MYOM3: variants seen among roughly 807,000 people sequenced by gnomAD.
MYOM3 encodes the protein myomesin 3.
Under a neutral mutation model 191.7 loss-of-function variants are expected in MYOM3, and 155 were observed. The observed-to-expected ratio is 0.81, with a 90% CI of 0.71 to 0.92. MYOM3 has a LOEUF of 0.92. Among genes scored for constraint, MYOM3 ranks in the 40% least tolerant of loss-of-function variants. MYOM3 has a pLI of 0.00. For synonymous variants in MYOM3, 757 were observed against 762.9 expected, an observed-to-expected ratio of 0.99 and a Z score of 0.13; for missense variants, 1,889 against 1,890.6, an observed-to-expected ratio of 1.00 and a Z score of 0.02.
chr1:24,109,449 C>T (rs1232259099), intron 1 of MYOM3, among the ~76,000 whole-genome samples: 1 of 152,338 alleles, frequency 6.6e-6, no homozygotes, highest in South Asian at 2.1e-4. Flanking sequence ...AGAAAGACTA[C>T]AGGCCACCTA....
At position 24,058,937 on chromosome 1, in the gene MYOM3, A is replaced by G. The variant is rs775779163; in HGVS notation, c.4037T>C (p.Ile1346Thr). Residue 1346 changes from isoleucine (I) to threonine (T), a missense_variant, in exon 36 of 37, where the codon ATC becomes ACC. Ile to Thr is a moderately conservative substitution (Grantham distance 89, BLOSUM62 -1). Transcript: ENST00000374434. ...VVRGLPDVAT[I>T]MEDKTLCLTC... ...AAGGGTCAGTACCTTATCTTCCATGATAGTGGCCACATCCGGCAGACCTCT... is the reference window on the plus strand; with the variant it reads ...AAGGGTCAGTACCTTATCTTCCATGGTAGTGGCCACATCCGGCAGACCTCT... 1 of 1,611,468 alleles carries G rather than the reference A, an allele frequency of 6.2e-7. No homozygotes were observed.
rs756776215 is a variant in MYOM3 at position 24,084,557 on chromosome 1, G to A, written c.1881C>T (p.Asp627=). ...AGATGTAATAACCCAGGAGCTCTGGGTCTTTCACAGGATCCCATGTCAGGG... is the reference window on the plus strand; with the variant it reads ...AGATGTAATAACCCAGGAGCTCTGGATCTTTCACAGGATCCCATGTCAGGG... The part of the protein sequence containing the change: ...SVSLTWDPVK[D]PELLGYYIYS... Residue 627 remains aspartate, a synonymous_variant, in exon 16 of 37, where the codon GAC becomes GAT. Coordinates refer to ENST00000374434, the MANE Select transcript of MYOM3 (RefSeq NM_152372.4). 1 of 1,613,990 alleles carries A rather than the reference G, an allele frequency of 6.2e-7. No homozygotes were observed. Among genetic ancestry groups the A allele is most frequent in the Admixed American group, 1.7e-5 (1 of 60,000 alleles).
At chr1:24,068,123 C>CA in intron 26 of MYOM3, 94 bp from the exon 27 acceptor site, 4 of 1,568,546 alleles carry the variant, frequency 2.6e-6, no homozygotes, top group Non-Finnish European at 3.5e-6. Context: ...GGGCTGTGCT[C>CA]AGCAGGCTGC....
intron 35 of MYOM3, among the ~76,000 whole-genome samples, chr1:24,059,737 G>A (rs889719147): frequency 2.6e-5 from 4 of 152,212 alleles, no homozygotes; most frequent in Admixed American, 2.0e-4. Context: ...GTCAAGCGAG[G>A]GACCTGGTGG....
chr1:24,090,678 G>T, intron 12 of MYOM3, 119 bp downstream of exon 12: 1 of 952,932 alleles, frequency 1.0e-6, no homozygotes. Context: ...CTGAGGGCTG[G>T]GCTGTGCTTC....
In MYOM3 at chr1:24,057,547, G is replaced by A. The variant is rs779767332; in HGVS notation, c.4131C>T (p.Phe1377=). 6.2e-7 allele frequency: 1 copy of A among 1,614,234 alleles called. No homozygotes were observed. Among genetic ancestry groups the A allele is most frequent in the Non-Finnish European group, 8.5e-7 (1 of 1,180,038 alleles). The part of the protein sequence containing the change: ...SWLKNDQPVT[F]LDRYRMEVRG... Reference sequence around the variant, plus strand: ...TCACTTCCATGCGGTATCGGTCAAGGAAGGTGACAGGCTGGTCATTCTTCA... The same window carrying A: ...TCACTTCCATGCGGTATCGGTCAAGAAAGGTGACAGGCTGGTCATTCTTCA... The change falls in exon 37 of 37, where the codon TTC becomes TTT. Residue 1377 remains phenylalanine (F), a synonymous_variant. Coordinates refer to ENST00000374434, the MANE Select transcript of MYOM3 (RefSeq NM_152372.4).
intron 17 of MYOM3, 36 bp from the exon 18 acceptor site, chr1:24,082,224 C>T: frequency 6.5e-7 from 1 of 1,536,232 alleles, no homozygotes. Context: ...CAGCTGCTCC[C>T]TAGGGGTGGC....
chr1:24,058,947 C>T lies in MYOM3; in HGVS notation c.4027G>A (p.Val1343Met), dbSNP rs1419511886. ...RAKVVRGLPD[V>M]ATIMEDKTLC... Reference sequence around the variant, plus strand: ...ACCTTATCTTCCATGATAGTGGCCACATCCGGCAGACCTCTCACCACTTTG... The same window carrying T: ...ACCTTATCTTCCATGATAGTGGCCATATCCGGCAGACCTCTCACCACTTTG... The change falls in exon 36 of 37, where the codon GTG becomes ATG. Residue 1343 changes from valine to methionine, a missense_variant. Coordinates refer to ENST00000374434, the MANE Select transcript of MYOM3 (RefSeq NM_152372.4). 1.9e-6 allele frequency: 3 copies of T among 1,611,932 alleles called. No individual in the cohort carries two copies. The highest frequency in any genetic ancestry group is 3.3e-5 in the Admixed American group (2 of 59,764).
chr1:24,063,454 G>A lies in MYOM3; in HGVS notation c.3661+38C>T. ...GCTGCTTGGAGGCTGTTGGGCATCA[G>A]GGCAGGGCAGGGCTGGGCAAAGAGG... is the stretch of plus-strand genomic sequence containing the variant. On this transcript the variant is annotated intron_variant, in intron 31 of 36. Transcript: ENST00000374434. This position sits in a 1 kb window ranked among gnomAD's most constrained non-coding sequence, Gnocchi z 4.5. The A allele has an allele frequency of 6.2e-7, 1 of 1,613,100 alleles. No individual in the cohort carries two copies. Among genetic ancestry groups the A allele is most frequent in the Middle Eastern group, 1.7e-4 (1 of 6,016 alleles).
chr1:24,084,296 C>T (rs113381518), intron 16 of MYOM3, 172 bp downstream of exon 16: 141 of 659,278 alleles, frequency 2.1e-4, no homozygotes, highest in African/African-American at 1.8e-3. Context: ...CCTTCCCCCT[C>T]GCCTTCCGCC....
In MYOM3 at chr1:24,063,625, G is replaced by A. The variant is rs967179070; in HGVS notation, c.3623-95C>T. ...TCCTAGAAAAAGGCTGGTGGAGCCC[G>A]TGAGCTGCTCTCAGGGGGACAGGCA... On this transcript the variant is annotated intron_variant, in intron 30 of 36. Coordinates refer to ENST00000374434, the MANE Select transcript of MYOM3 (RefSeq NM_152372.4). This position sits in a 1 kb window ranked among gnomAD's most constrained non-coding sequence, Gnocchi z 4.5. 3.3e-5 allele frequency: 47 copies of A among 1,427,042 alleles called. No homozygotes were observed. Among genetic ancestry groups the A allele is most frequent in the Admixed American group, 5.5e-5 (3 of 55,014 alleles). The allele number at this position is 1,427,042 out of a possible 1,614,324, so 88.4% of individuals were successfully genotyped here.
chr1:24,061,496 T>A (rs1337916392), intron 33 of MYOM3, among the ~76,000 whole-genome samples, 187 bp from the exon 34 acceptor site: 1 of 152,158 alleles, frequency 6.6e-6, no homozygotes, highest in African/African-American at 2.4e-5. Flanking sequence ...ACCATGGGAT[T>A]TTCTTTTTTC....
chr1:24,110,266 G>A (rs1215731340), intron 1 of MYOM3, among the ~76,000 whole-genome samples: 1 of 152,204 alleles, frequency 6.6e-6, no homozygotes, highest in Non-Finnish European at 1.5e-5. Flanking sequence ...GCCTTGGCCT[G>A]CTCCTGTCAG....
chr1:24,089,555 T>C lies in MYOM3; in HGVS notation c.1597A>G (p.Thr533Ala). The C allele has an allele frequency of 1.2e-6, 2 of 1,602,234 alleles. No individual in the cohort carries two copies. The highest frequency in any genetic ancestry group is 1.7e-6 in the Non-Finnish European group (2 of 1,174,788). ...EPSPRDRAPL[T>A]YSLEKSVIGS... ...TTCCCTACCTTCTCCAGGGAGTACG[T>C]CAGTGGTGCTCTGTCCCGGGGGCTG... Residue 533 changes from threonine to alanine, a missense_variant, in exon 14 of 37, where the codon ACG becomes GCG. Coordinates refer to ENST00000374434, the MANE Select transcript of MYOM3 (RefSeq NM_152372.4).
chr1:24,072,750 G>C (rs576510648), intron 23 of MYOM3, among the ~76,000 whole-genome samples: 6 of 152,218 alleles, frequency 3.9e-5, no homozygotes, highest in Non-Finnish European at 5.9e-5. Flanking sequence ...GGCCAGGCTG[G>C]TCTTGAACTC....
intron 25 of MYOM3, 55 bp from the exon 26 acceptor site, chr1:24,068,422 G>A (rs1404233892): frequency 6.2e-7 from 1 of 1,605,966 alleles, no homozygotes; most frequent in Non-Finnish European, 8.5e-7. Flanking sequence ...TTTGTTGTGG[G>A]GTACACATCA....
At position 24,063,598 on chromosome 1, in the gene MYOM3, C is replaced by T. The variant is rs991543806; in HGVS notation, c.3623-68G>A. 14 of 1,585,262 alleles carry T rather than the reference C, an allele frequency of 8.8e-6. No individual in the cohort carries two copies. In the Admixed American group the frequency reaches 1.2e-4, roughly 13 times the overall value. On this transcript the variant is annotated intron_variant, in intron 30 of 36. Coordinates refer to ENST00000374434, the MANE Select transcript of MYOM3 (RefSeq NM_152372.4). This position sits in a 1 kb window ranked among gnomAD's most constrained non-coding sequence, Gnocchi z 4.5. ...CCTAGGGATGTGCTAGGAGTGGGGACATCCTAGAAAAAGGCTGGTGGAGCC... is the reference window on the plus strand; with the variant it reads ...CCTAGGGATGTGCTAGGAGTGGGGATATCCTAGAAAAAGGCTGGTGGAGCC...
At position 24,057,533 on chromosome 1, in the gene MYOM3, C is replaced by A. The variant is rs574626787; in HGVS notation, c.4145G>T (p.Arg1382Leu). 20 of 1,614,094 alleles carry A rather than the reference C, an allele frequency of 1.2e-5. No homozygotes were observed. In the East Asian group the frequency reaches 1.3e-4, roughly 11 times the overall value. ...DQPVTFLDRY[R>L]MEVRGTEVTI... ...GACCTCTGTCCCCCTCACTTCCATG[C>A]GGTATCGGTCAAGGAAGGTGACAGG... Residue 1382 changes from arginine to leucine, a missense_variant, in exon 37 of 37, where the codon CGC becomes CTC. Physicochemically the swap from Arg to Leu is moderately radical, Grantham distance 102 (BLOSUM62 -2). Transcript: ENST00000374434.
intron 6 of MYOM3, 42 bp downstream of exon 6, chr1:24,099,638 C>G (rs913489911): frequency 2.0e-6 from 3 of 1,507,930 alleles, no homozygotes; most frequent in Non-Finnish European, 2.8e-6. Context: ...TCGGCGGTGG[C>G]AGGGTCTGGG....
Sources: allele counts gnomAD v4.1 joint callset (sites outside exome capture counted in the v4.1 genomes callset), GRCh38; gene constraint gnomAD v4.1.1; non-coding constraint Gnocchi (gnomAD v3.1); transcripts MANE v1.5; gene names NCBI Gene and HGNC (gene_info 2026-07-23, HGNC 2026-07-21).